The following RIT2 variants were observed in gnomAD, a reference collection of about 807,000 sequenced individuals.
The protein encoded by RIT2 is Ras like without CAAX 2, also known as GTP-binding protein Rit2.
A neutral mutation model predicts 23.7 loss-of-function variants in RIT2; 24 were observed. The ratio of observed to expected loss-of-function variants is 1.01; its 90% CI spans 0.73 to 1.43. The LOEUF (loss-of-function observed/expected upper bound fraction) is 1.43, where lower values mean the gene tolerates loss of function less well. Among genes scored for constraint, RIT2 ranks in the 40% most tolerant of loss-of-function variants. The pLI is 0.00. For missense variants in RIT2, 236 were observed against 266.9 expected (o/e 0.88, Z 0.81); for synonymous variants, 107 against 91.1 (o/e 1.17, Z -0.99).
At chr18:42,748,474 C>T (rs760407645) in intron 4 of RIT2, among the ~76,000 whole-genome samples, 1 of 151,922 alleles carries the variant, frequency 6.6e-6, no homozygotes, top group South Asian at 2.1e-4. Flanking sequence ...AAAGGGTACA[C>T]TTTTACACTG....
chr18:43,112,503 A>G (rs1312116511), intron 1 of RIT2, among the ~76,000 whole-genome samples: 1 of 152,242 alleles, frequency 6.6e-6, no homozygotes, highest in Non-Finnish European at 1.5e-5. Flanking sequence ...CATAAAGTAC[A>G]TTCATTAACT....
chr18:42,984,388 T>C (rs1269400565), intron 2 of RIT2, among the ~76,000 whole-genome samples: 1 of 152,042 alleles, frequency 6.6e-6, no homozygotes, highest in South Asian at 2.1e-4. Flanking sequence ...AACAGATTTG[T>C]GGGTGCCAGG....
chr18:43,106,013 C>T (rs1355035321), intron 1 of RIT2, among the ~76,000 whole-genome samples: 2 of 152,168 alleles, frequency 1.3e-5, no homozygotes, highest in African/African-American at 4.8e-5. Context: ...GCATAGTCAC[C>T]TCAGGCTCTG....
At chr18:42,751,385 A>C (rs189947075) in intron 4 of RIT2, among the ~76,000 whole-genome samples, 263 of 152,046 alleles carry the variant, frequency 1.7e-3, no homozygotes, top group Middle Eastern at 0.01. Flanking sequence ...TTATACAAAC[A>C]CATACATATT....
At chr18:43,033,890 T>C (rs186095570) in intron 1 of RIT2, 23 bp from the exon 2 acceptor site, 1 of 1,543,940 alleles carries the variant, frequency 6.5e-7, no homozygotes, top group Non-Finnish European at 8.9e-7. Flanking sequence ...AAACACATTT[T>C]GTTTAATAAA....
chr18:42,763,108 TAGTA>T (rs1346385806), intron 4 of RIT2, among the ~76,000 whole-genome samples: 1 of 152,232 alleles, frequency 6.6e-6, no homozygotes, highest in East Asian at 1.9e-4. Context: ...TGTAGCACAA[TAGTA>T]AGTATTGTCT....
intron 4 of RIT2, among the ~76,000 whole-genome samples, chr18:42,759,760 G>GAT (rs149291326): frequency 0.33 from 43,139 of 130,362 alleles, 6,825 homozygotes; most frequent in South Asian, 0.35. Flanking sequence ...CACACATACG[G>GAT]ATATATATAT....
At chr18:42,811,922 T>A (rs747175107) in intron 4 of RIT2, among the ~76,000 whole-genome samples, 1 of 152,074 alleles carries the variant, frequency 6.6e-6, no homozygotes, top group Non-Finnish European at 1.5e-5. Flanking sequence ...ATAAAGTAAA[T>A]ATGAGCTACT....
intron 3 of RIT2, among the ~76,000 whole-genome samples, chr18:42,963,467 T>G (rs962040672): frequency 1.3e-5 from 2 of 152,210 alleles, no homozygotes; most frequent in Non-Finnish European, 2.9e-5. Flanking sequence ...TCCCTCTTAC[T>G]CTTTGACTAT....
chr18:42,852,774 TCC>T (rs1907086973), intron 4 of RIT2, among the ~76,000 whole-genome samples: 1 of 91,718 alleles, frequency 1.1e-5, no homozygotes, highest in African/African-American at 4.1e-5. Flanking sequence ...CCTCCCTCCC[TCC>T]CTCTCTCCCT....
At chr18:42,745,246 C>T (rs966210372) in intron 4 of RIT2, among the ~76,000 whole-genome samples, 2 of 152,092 alleles carry the variant, frequency 1.3e-5, no homozygotes, top group African/African-American at 4.8e-5. Context: ...ATAAATAGAC[C>T]TCCCAGCTCA....
chr18:43,018,113 TA>T (rs2061217538), intron 2 of RIT2, among the ~76,000 whole-genome samples: 1 of 152,048 alleles, frequency 6.6e-6, no homozygotes, highest in African/African-American at 2.4e-5. Flanking sequence ...GTAAAATTTG[TA>T]AAATTAATCA....
chr18:42,864,450 G>T (rs533330951), intron 4 of RIT2, among the ~76,000 whole-genome samples: 1 of 152,216 alleles, frequency 6.6e-6, no homozygotes, highest in Middle Eastern at 3.4e-3. Flanking sequence ...CTGCACTCTG[G>T]TGTACTCTGA....
At chr18:42,901,124 A>G (rs1908465172) in intron 4 of RIT2, among the ~76,000 whole-genome samples, 1 of 152,066 alleles carries the variant, frequency 6.6e-6, no homozygotes, top group Admixed American at 6.6e-5. Flanking sequence ...TAGTATAAAG[A>G]ATGGCAGTTT....
In RIT2 at chr18:42,765,482, C is replaced by T. The variant is rs1006281896; in HGVS notation, c.427-21762G>A. On this transcript the variant is annotated intron_variant, in intron 4 of 4. Coordinates refer to ENST00000326695, the MANE Select transcript of RIT2 (RefSeq NM_002930.4). ...AAGTTACAAGTGAGATTAAAAGAAA[C>T]TCCGACAGCCTGGGGAGGAGTTGAT... Among the ~76,000 whole-genome samples the T allele has an allele frequency of 2.0e-5, 3 of 152,190 alleles. No homozygotes were observed. The South Asian group carries it at 6.2e-4, about 32-fold the overall frequency.
At chr18:42,746,698 A>G (rs905606944) in intron 4 of RIT2, among the ~76,000 whole-genome samples, 7 of 152,110 alleles carry the variant, frequency 4.6e-5, no homozygotes, top group Non-Finnish European at 7.4e-5. Flanking sequence ...AGTACACAAG[A>G]GACAGAAAGA....
intron 3 of RIT2, among the ~76,000 whole-genome samples, chr18:42,968,630 T>A (rs1218091272): frequency 6.6e-6 from 1 of 152,222 alleles, no homozygotes; most frequent in Non-Finnish European, 1.5e-5. Context: ...TGTACTTAAA[T>A]ATCTGGCTGT....
chr18:42,810,393 T>C (rs1252510563), intron 4 of RIT2, among the ~76,000 whole-genome samples: 2 of 151,940 alleles, frequency 1.3e-5, no homozygotes, highest in Non-Finnish European at 2.9e-5. Context: ...GGCTAATTGC[T>C]GTTCACACCA....
chr18:43,106,603 C>T (rs550791794), intron 1 of RIT2, among the ~76,000 whole-genome samples: 5 of 152,202 alleles, frequency 3.3e-5, no homozygotes, highest in Non-Finnish European at 7.3e-5. Context: ...TTCAATGCAA[C>T]ATCTCCAGGG....
Sources: gnomAD v4.1 joint callset for allele counts (sites outside exome capture counted in the v4.1 genomes callset) on GRCh38, gnomAD v4.1.1 for gene constraint, MANE v1.5 for transcripts, NCBI Gene and HGNC (gene_info 2026-07-23, HGNC 2026-07-21) for gene names.